The following MGST2 variants were observed in gnomAD, a reference collection of about 807,000 sequenced individuals.
MGST2 encodes the protein glutathione peroxidase MGST2.
MGST2 carries 9 observed loss-of-function variants against 16.6 expected under a neutral mutation model. The ratio of observed to expected loss-of-function variants is 0.54; its 90% CI spans 0.33 to 0.95. MGST2 has a LOEUF of 0.95. Ranked by LOEUF, MGST2 falls within the 40% of genes least tolerant of loss-of-function variation. The probability of loss-of-function intolerance (pLI) is 0.03; values close to 1 mark genes in which losing one functional copy is unlikely to be tolerated. For missense variants in MGST2, 159 were observed against 175.1 expected (o/e 0.91, Z 0.52); for synonymous variants, 79 against 68.0 (o/e 1.16, Z -0.79).
intron 3 of MGST2, among the ~76,000 whole-genome samples, chr4:139,701,466 C>G (rs934052986): frequency 6.6e-6 from 1 of 152,188 alleles, no homozygotes; most frequent in Non-Finnish European, 1.5e-5. Flanking sequence ...CAGAGGCCTT[C>G]CTATACCCCA....
chr4:139,730,738 CT>C, intron 5 of MGST2: 1 of 1,428,932 alleles, frequency 7.0e-7, no homozygotes, highest in Non-Finnish European at 9.6e-7. Flanking sequence ...AGGGAAGCCC[CT>C]GGAAAAAGGG....
intron 3 of MGST2, among the ~76,000 whole-genome samples, chr4:139,697,786 A>G (rs1727013039): frequency 1.3e-5 from 2 of 152,240 alleles, no homozygotes; most frequent in Non-Finnish European, 2.9e-5. Flanking sequence ...TTTAGTTGCC[A>G]TCAATAAGAA....
downstream of MGST2, among the ~76,000 whole-genome samples, chr4:139,709,236 C>A (rs191290343): frequency 0.01 from 1,525 of 151,872 alleles, 8 homozygotes; most frequent in Admixed American, 0.014. Context: ...GCGCCCGCCA[C>A]CACGCCCAGC....
chr4:139,703,645 A>G, intron 4 of MGST2, 109 bp downstream of exon 4: 1 of 1,016,410 alleles, frequency 9.8e-7, no homozygotes, highest in Non-Finnish European at 1.5e-6. Context: ...TGTGGTGGCA[A>G]AAGTAATCCA....
chr4:139,704,961 T>G (rs1357868418), downstream of MGST2, among the ~76,000 whole-genome samples: 1 of 152,124 alleles, frequency 6.6e-6, no homozygotes, highest in Admixed American at 6.6e-5. Context: ...ATTATAAAAA[T>G]GTACTTTATA....
At chr4:139,690,239 G>T (rs1277288899) in intron 2 of MGST2, among the ~76,000 whole-genome samples, 1 of 152,058 alleles carries the variant, frequency 6.6e-6, no homozygotes, top group Non-Finnish European at 1.5e-5. Context: ...TGATCCACCT[G>T]CCTCGGCCTC....
the MGST2 span, among the ~76,000 whole-genome samples, chr4:139,745,828 T>G: frequency 2.0e-5 from 3 of 152,234 alleles, no homozygotes; most frequent in Non-Finnish European, 2.9e-5. Flanking sequence ...AGGTATATAC[T>G]GTGAATATTT....
the MGST2 span, among the ~76,000 whole-genome samples, chr4:139,751,859 T>C: frequency 6.6e-6 from 1 of 152,212 alleles, no homozygotes; most frequent in Non-Finnish European, 1.5e-5. Flanking sequence ...TTATCTCTTA[T>C]AGTGTCTGCA....
At chr4:139,734,868 C>A (rs947854493) in intron 5 of MGST2, among the ~76,000 whole-genome samples, 1 of 152,260 alleles carries the variant, frequency 6.6e-6, no homozygotes, top group Non-Finnish European at 1.5e-5. Context: ...GCTGGGGTGA[C>A]GGGGACCCCG....
chr4:139,677,969 C>A (rs1455816112), intron 1 of MGST2, among the ~76,000 whole-genome samples: 9 of 152,206 alleles, frequency 5.9e-5, no homozygotes, highest in Admixed American at 5.9e-4. Flanking sequence ...GAGTTCTCAG[C>A]TTGACTTTTC....
downstream of MGST2, among the ~76,000 whole-genome samples, chr4:139,704,826 G>T (rs1468729331): frequency 6.6e-6 from 1 of 152,134 alleles, no homozygotes; most frequent in African/African-American, 2.4e-5. Flanking sequence ...GGAGGCTGAG[G>T]CAGGAGAATG....
chr4:139,754,074 T>C, the MGST2 span, among the ~76,000 whole-genome samples: 1 of 152,240 alleles, frequency 6.6e-6, no homozygotes, highest in Non-Finnish European at 1.5e-5. Context: ...AATGTGATAA[T>C]TATAGACTAA....
intron 5 of MGST2, among the ~76,000 whole-genome samples, chr4:139,721,567 C>G (rs1484907291): frequency 4.6e-5 from 7 of 152,152 alleles, no homozygotes; most frequent in Non-Finnish European, 8.8e-5. Flanking sequence ...TTTTTGTCTT[C>G]CTGATGTGGC....
intron 5 of MGST2, among the ~76,000 whole-genome samples, chr4:139,738,958 A>C (rs1185442267): frequency 1.3e-5 from 2 of 152,230 alleles, no homozygotes; most frequent in Non-Finnish European, 2.9e-5. Context: ...TAACTTTCCA[A>C]GTGCTTCCAA....
At chr4:139,738,717 G>A (rs958413931) in intron 5 of MGST2, among the ~76,000 whole-genome samples, 1 of 148,972 alleles carries the variant, frequency 6.7e-6, no homozygotes, top group Non-Finnish European at 1.5e-5. Context: ...AAGGTACAGA[G>A]AAAAAAAAAT....
chr4:139,666,119 T>C (rs773130934), intron 1 of MGST2, 42 bp downstream of exon 1: 939 of 412,976 alleles, frequency 2.3e-3, no homozygotes, highest in East Asian at 7.1e-3. Flanking sequence ...CGTGTGTGCG[T>C]GTGTGTGTGT....
chr4:139,702,868 T>TTTTTTTTTTTTTTTTTTTTTTTTTC (rs1375117740), intron 3 of MGST2, among the ~76,000 whole-genome samples: 1 of 132,300 alleles, frequency 7.6e-6, no homozygotes, highest in Non-Finnish European at 1.7e-5. Flanking sequence ...TTTTTTTTTT[T>TTTTTTTTTTTTTTTTTTTTTTTTTC]TTACAATTTT....
intron 5 of MGST2, chr4:139,725,811 G>A (rs374629744): frequency 2.5e-6 from 4 of 1,613,910 alleles, no homozygotes; most frequent in Middle Eastern, 1.6e-4. Flanking sequence ...AGGTGCTGCC[G>A]GGGTAGATGT....
At chr4:139,702,830 A>G (rs1385104107) in intron 3 of MGST2, among the ~76,000 whole-genome samples, 5 of 42,876 alleles carry the variant, frequency 1.2e-4, no homozygotes, top group Non-Finnish European at 3.0e-4. Flanking sequence ...CCTCACCAAC[A>G]TTTTGTGTTA....
Sources: gnomAD v4.1 joint callset for allele counts (sites outside exome capture counted in the v4.1 genomes callset) on GRCh38, gnomAD v4.1.1 for gene constraint, MANE v1.5 for transcripts, NCBI Gene and HGNC (gene_info 2026-07-23, HGNC 2026-07-21) for gene names.